The following ANO4 variants were observed in gnomAD, a reference collection of about 807,000 sequenced individuals.
ANO4 encodes the protein anoctamin 4.
A neutral mutation model predicts 141.9 loss-of-function variants in ANO4; 69 were observed. The observed-to-expected ratio is 0.49, with a 90% CI of 0.40 to 0.59. The LOEUF (loss-of-function observed/expected upper bound fraction) is 0.59. ANO4 is among the 20% of genes least tolerant of loss of function. The pLI is 0.00. For synonymous variants in ANO4, 350 were observed against 394.3 expected, an observed-to-expected ratio of 0.89 and a Z score of 1.33; for missense variants, 894 against 1,162.2, an observed-to-expected ratio of 0.77 and a Z score of 3.36.
At chr12:100,865,397 T>A (rs2038702398) in intron 1 of ANO4, among the ~76,000 whole-genome samples, 1 of 152,110 alleles carries the variant, frequency 6.6e-6, no homozygotes, top group Non-Finnish European at 1.5e-5. Flanking sequence ...GAAGAAAATT[T>A]TTGCAATCTA....
At chr12:101,106,891 G>GAAA (rs11389258) in intron 22 of ANO4, among the ~76,000 whole-genome samples, 30 of 146,462 alleles carry the variant, frequency 2.0e-4, no homozygotes, top group Admixed American at 3.4e-4. Context: ...CTCTTCCCTT[G>GAAA]AAAAAAAAAA....
chr12:100,939,309 T>C lies in ANO4; in HGVS notation c.161-6T>C. Reference sequence around the variant, plus strand: ...CCACCTTATAATGTATTTACTTTGGTTCTAGTGGCCAAGGATGTCAATATT... The same window carrying C: ...CCACCTTATAATGTATTTACTTTGGCTCTAGTGGCCAAGGATGTCAATATT... On this transcript the variant is annotated splice_region_variant and splice_polypyrimidine_tract_variant and intron_variant, in intron 3 of 27. Coordinates refer to ENST00000392977, the MANE Select transcript of ANO4 (RefSeq NM_001286615.2). The C allele has an allele frequency of 1.2e-6, 2 of 1,611,690 alleles. No individual in the cohort carries two copies. Among genetic ancestry groups the C allele is most frequent in the Non-Finnish European group, 1.7e-6 (2 of 1,178,322 alleles).
At chr12:101,087,310 GAGTTCA>G (rs1035438538) in intron 17 of ANO4, among the ~76,000 whole-genome samples, 14 of 151,222 alleles carry the variant, frequency 9.3e-5, no homozygotes, top group African/African-American at 3.4e-4. Flanking sequence ...TTGAGCCCAG[GAGTTCA>G]AGACCAGCCT....
At chr12:100,947,992 G>A (rs2042797321) in intron 5 of ANO4, among the ~76,000 whole-genome samples, 1 of 151,810 alleles carries the variant, frequency 6.6e-6, no homozygotes, top group African/African-American at 2.4e-5. Flanking sequence ...GACCATCCTG[G>A]CTAACATGGT....
intron 17 of ANO4, among the ~76,000 whole-genome samples, chr12:101,089,050 T>C (rs1484809784): frequency 1.3e-5 from 2 of 152,170 alleles, no homozygotes; most frequent in Non-Finnish European, 2.9e-5. Flanking sequence ...TGGGCCATAA[T>C]GCTGAAATGC....
At chr12:101,079,086 A>G (rs974453568) in intron 14 of ANO4, 107 bp from the exon 15 acceptor site, 12 of 942,464 alleles carry the variant, frequency 1.3e-5, no homozygotes, top group Admixed American at 1.9e-5. Flanking sequence ...TGATGCTTAC[A>G]CTAACAACTG....
intron 5 of ANO4, among the ~76,000 whole-genome samples, chr12:100,970,226 T>G (rs1370643399): frequency 2.0e-5 from 3 of 152,162 alleles, no homozygotes; most frequent in African/African-American, 7.2e-5. Flanking sequence ...TTCTTCTCCC[T>G]CATCATTTAT....
chr12:101,126,490 TACTC>T lies in ANO4; in HGVS notation c.2677-385_2677-382del, dbSNP rs201811947. Among the ~76,000 whole-genome samples the T allele has an allele frequency of 6.4e-3, 975 of 152,300 alleles. 13 individuals are homozygous for T. The highest frequency in any genetic ancestry group is 0.022 in the African/African-American group (914 of 41,548). On this transcript the variant is annotated intron_variant, in intron 26 of 27. Coordinates refer to ENST00000392977, the MANE Select transcript of ANO4 (RefSeq NM_001286615.2). The stretch of plus-strand genomic sequence containing the variant: ...AAACATTTTCTCATAATTCTCACAA[TACTC>T]ACTTTATAGATGAGGGGAATGAGGC...
At chr12:100,722,384 G>A (rs1320701564) in intron 1 of ANO4, among the ~76,000 whole-genome samples, 1 of 152,106 alleles carries the variant, frequency 6.6e-6, no homozygotes, top group East Asian at 1.9e-4. Context: ...TCTTCTCTGT[G>A]TAGGGCTAAA....
chr12:100,963,891 G>T (rs562337854), intron 5 of ANO4, among the ~76,000 whole-genome samples: 86 of 152,290 alleles, frequency 5.6e-4, no homozygotes, highest in Admixed American at 3.7e-3. Context: ...GTGGAAGAAA[G>T]AAATTCTCAC....
At chr12:100,741,949 TG>T (rs1763763816) in intron 3 of ANO4, among the ~76,000 whole-genome samples, 1 of 152,144 alleles carries the variant, frequency 6.6e-6, no homozygotes, top group African/African-American at 2.4e-5. Context: ...TTCCCTTAGT[TG>T]ACTTTTTTTC....
intron 1 of ANO4, chr12:100,885,531 A>G (rs931902070): frequency 2.6e-5 from 4 of 152,246 alleles, no homozygotes; most frequent in Non-Finnish European, 5.9e-5. Context: ...TGTGCCTCAT[A>G]AACATGACCT....
intron 1 of ANO4, among the ~76,000 whole-genome samples, chr12:100,852,765 C>T (rs1221747480): frequency 1.3e-5 from 2 of 152,016 alleles, no homozygotes; most frequent in East Asian, 1.9e-4. Flanking sequence ...AGATGAGTCT[C>T]AAAATAAAAA....
At position 100,987,542 on chromosome 12, in the gene ANO4, C is replaced by T. The variant is rs566155639; in HGVS notation, c.606C>T (p.Ile202=). 2.6e-5 allele frequency: 42 copies of T among 1,613,270 alleles called. No individual in the cohort carries two copies. Among genetic ancestry groups the T allele is most frequent in the Middle Eastern group, 1.6e-4 (1 of 6,074 alleles). ...LPRRYKFMSR[I]DKQISRFRRW... is the part of the protein sequence containing the mutation. Reference sequence around the variant, plus strand: ...TCTTGCCTTCCATGTACCACAGGATCGATAAACAAATAAGCAGGTTTCGGA... The same window carrying T: ...TCTTGCCTTCCATGTACCACAGGATTGATAAACAAATAAGCAGGTTTCGGA... Residue 202 remains isoleucine, a synonymous_variant, in exon 8 of 28, where the codon ATC becomes ATT. Coordinates refer to ENST00000392977, the MANE Select transcript of ANO4 (RefSeq NM_001286615.2).
At chr12:101,116,889 G>A in intron 25 of ANO4, 91 bp downstream of exon 25, 1 of 1,532,024 alleles carries the variant, frequency 6.5e-7, no homozygotes. Context: ...GGCTGAGTGT[G>A]TTTAAAGCAG....
At chr12:100,948,828 A>G (rs1288866366) in intron 5 of ANO4, among the ~76,000 whole-genome samples, 2 of 152,170 alleles carry the variant, frequency 1.3e-5, no homozygotes, top group African/African-American at 4.8e-5. Flanking sequence ...AACCAATAGA[A>G]TATGGCTTTT....
intron 7 of ANO4, among the ~76,000 whole-genome samples, chr12:100,978,790 G>C (rs191283955): frequency 3.2e-4 from 48 of 152,266 alleles, no homozygotes; most frequent in Non-Finnish European, 5.3e-4. Flanking sequence ...TATTGTTGGA[G>C]GTAAAAGAAG....
chr12:100,941,159 G>T (rs1159592314), intron 4 of ANO4, among the ~76,000 whole-genome samples: 1 of 150,390 alleles, frequency 6.6e-6, no homozygotes, highest in Non-Finnish European at 1.5e-5. Context: ...CTCATATTTT[G>T]TATATGTATG....
At chr12:100,826,914 C>T (rs952356) in intron 1 of ANO4, among the ~76,000 whole-genome samples, 27,504 of 151,826 alleles carry the variant, frequency 0.18, 2,947 homozygotes, top group Middle Eastern at 0.3. Flanking sequence ...ATTCAGAATC[C>T]GACCAGTTTT....
Sources: allele counts gnomAD v4.1 joint callset (sites outside exome capture counted in the v4.1 genomes callset), GRCh38; gene constraint gnomAD v4.1.1; transcripts MANE v1.5; gene names NCBI Gene and HGNC (gene_info 2026-07-23, HGNC 2026-07-21).